Variants in SLC5A8 observed in about 807,000 individuals in gnomAD.
The protein encoded by SLC5A8 is solute carrier family 5 member 8.
SLC5A8 carries 55 observed loss-of-function variants against 71.9 expected under a neutral mutation model. The observed-to-expected ratio is 0.77, with a 90% CI of 0.62 to 0.96. The LOEUF is 0.96. Among genes scored for constraint, SLC5A8 ranks in the 40% least tolerant of loss-of-function variants. The probability of loss-of-function intolerance (pLI) is 0.00; values close to 1 mark genes in which losing one functional copy is unlikely to be tolerated. For missense variants in SLC5A8, 701 were observed against 745.3 expected (o/e 0.94, Z 0.69); for synonymous variants, 307 against 276.1 (o/e 1.11, Z -1.11).
chr12:101,205,950 G>A (rs139951070), intron 1 of SLC5A8, among the ~76,000 whole-genome samples: 1 of 152,202 alleles, frequency 6.6e-6, no homozygotes, highest in Admixed American at 6.5e-5. Flanking sequence ...ACAGTGCCTT[G>A]TAGTACACTG....
At chr12:101,167,290 G>A (rs1323463334) in intron 11 of SLC5A8, among the ~76,000 whole-genome samples, 4 of 152,278 alleles carry the variant, frequency 2.6e-5, no homozygotes, top group South Asian at 4.1e-4. Context: ...ACATTTCATT[G>A]AGGATAATAA....
intron 2 of SLC5A8, among the ~76,000 whole-genome samples, chr12:101,202,543 T>C (rs1869500376): frequency 6.6e-6 from 1 of 151,780 alleles, no homozygotes; most frequent in Admixed American, 6.6e-5. Flanking sequence ...CTGAAATAAT[T>C]AGAAAAAAAT....
intron 13 of SLC5A8, among the ~76,000 whole-genome samples, chr12:101,160,253 T>C (rs573949455): frequency 6.6e-6 from 1 of 152,244 alleles, no homozygotes; most frequent in East Asian, 1.9e-4. Flanking sequence ...TTAATAAACC[T>C]ACTGTACTGG....
In SLC5A8 at chr12:101,168,106, G is replaced by A. The variant is rs749514393; in HGVS notation, c.1310C>T (p.Ala437Val). The A allele has an allele frequency of 1.9e-6, 3 of 1,607,950 alleles. No homozygotes were observed. The highest frequency in any genetic ancestry group is 1.7e-6 in the Non-Finnish European group (2 of 1,176,860). ...ATTCTTTGTACTTACAATTGAGTTG[G>A]CAAAGGGAACCAAAATGCCCAAAGC... ...LFALGILVPF[A>V]NSIGALVGLM... The change falls in exon 11 of 15, where the codon GCC (alanine) becomes GTC (valine). Residue 437 changes from alanine to valine, a missense_variant. By Grantham distance (64) the Ala-to-Val change is moderately conservative. Transcript: ENST00000536262.
chr12:101,190,661 A>C (rs1868859892), intron 5 of SLC5A8, 53 bp from the exon 6 acceptor site: 22 of 1,518,276 alleles, frequency 1.4e-5, no homozygotes, highest in Non-Finnish European at 1.8e-5. Context: ...AGACTAAAAA[A>C]AATTCTCTTA....
intron 12 of SLC5A8, 107 bp from the exon 13 acceptor site, chr12:101,162,184 G>T: frequency 1.4e-6 from 1 of 709,882 alleles, no homozygotes. Context: ...ACTTAATAAT[G>T]TTTTTAATGT....
chr12:101,159,334 G>C (rs182549014), intron 13 of SLC5A8, among the ~76,000 whole-genome samples: 146 of 152,292 alleles, frequency 9.6e-4, no homozygotes, highest in African/African-American at 3.4e-3. Context: ...GCTGCTAGGT[G>C]CTAGAGAAAC....
In SLC5A8 at chr12:101,196,007, T is replaced by A. The variant is rs116305739; in HGVS notation, c.470-845A>T. Among the ~76,000 whole-genome samples, 1,143 of 152,276 alleles carry A rather than the reference T, an allele frequency of 7.5e-3. 10 individuals carry two copies. Among genetic ancestry groups the A allele is most frequent in the African/African-American group, 0.021 (871 of 41,524 alleles). ...ACCGCGCCTGGCCGGTAATGCTTTT[T>A]AAAAAACTTTTAAGTTCAGATGTAC... is the stretch of plus-strand genomic sequence containing the variant. On this transcript the variant is annotated intron_variant, in intron 3 of 14. Coordinates refer to ENST00000536262, the MANE Select transcript of SLC5A8 (RefSeq NM_145913.5).
At position 101,157,420 on chromosome 12, in the gene SLC5A8, A is replaced by G. The variant is rs745918103; in HGVS notation, c.1711-19T>C. The G allele has an allele frequency of 1.9e-6, 3 of 1,566,480 alleles. No homozygotes were observed. The highest frequency in any genetic ancestry group is 2.6e-6 in the Non-Finnish European group (3 of 1,154,396). ...GCTTCTTCTAAAAGAAAATGTTAACATGGTGATTAGGGGGAGAAAAAGAAG... is the reference window on the plus strand; with the variant it reads ...GCTTCTTCTAAAAGAAAATGTTAACGTGGTGATTAGGGGGAGAAAAAGAAG... On this transcript the variant is annotated intron_variant, in intron 14 of 14. Coordinates refer to ENST00000536262, the MANE Select transcript of SLC5A8 (RefSeq NM_145913.5).
chr12:101,200,655 GTCTT>G (rs1480069149), intron 3 of SLC5A8, among the ~76,000 whole-genome samples: 7 of 152,134 alleles, frequency 4.6e-5, no homozygotes, highest in Admixed American at 1.3e-4. Context: ...GGTTTTTAAA[GTCTT>G]TATTTCTAAA....
intron 13 of SLC5A8, among the ~76,000 whole-genome samples, chr12:101,158,594 C>CTATA (rs1566303459): frequency 8.9e-4 from 19 of 21,286 alleles, no homozygotes; most frequent in African/African-American, 1.4e-3. Flanking sequence ...CTCTCTCTCT[C>CTATA]TCTCTATATA....
Position 101,166,689 on chromosome 12 carries a change from A to T in SLC5A8, c.1331T>A (p.Val444Asp). ...VPFANSIGAL[V>D]GLMAGFAISL... The stretch of plus-strand genomic sequence containing the variant: ...AATGGCAAATCCAGCCATCAGACCA[A>T]CAAGTGCTCCCTGTAAAACAAGAAT... Residue 444 changes from valine to aspartate, a missense_variant, in exon 12 of 15, where the codon GTT becomes GAT. Transcript: ENST00000536262. The T allele has an allele frequency of 6.2e-7, 1 of 1,604,416 alleles. No homozygotes were observed. The highest frequency in any genetic ancestry group is 2.2e-5 in the East Asian group (1 of 44,696).
rs2051658350 is a variant in SLC5A8, at chr12:101,156,120, C to T, written c.*1159G>A. 1.3e-5 allele frequency: 2 copies of T among 152,030 alleles called. No individual in the cohort carries two copies. Among genetic ancestry groups the T allele is most frequent in the African/African-American group, 4.8e-5 (2 of 41,462 alleles). The allele number at this position is 152,030 out of a possible 1,614,324, so 9.4% of individuals were successfully genotyped here. On this transcript the variant is annotated 3_prime_UTR_variant, in exon 15 of 15. Coordinates refer to ENST00000536262, the MANE Select transcript of SLC5A8 (RefSeq NM_145913.5). The stretch of plus-strand genomic sequence containing the variant: ...TACTTAAAAATTTTAAAACATGGAA[C>T]AAAGCATTTTTTGAGTCCAGACGTT...
chr12:101,197,463 C>T (rs1869235348), intron 3 of SLC5A8, among the ~76,000 whole-genome samples: 1 of 152,052 alleles, frequency 6.6e-6, no homozygotes, highest in Non-Finnish European at 1.5e-5. Flanking sequence ...GAAAAAGAGT[C>T]TAGATCTAAC....
At chr12:101,181,786 T>C (rs1449055910) in intron 9 of SLC5A8, among the ~76,000 whole-genome samples, 2 of 152,166 alleles carry the variant, frequency 1.3e-5, no homozygotes, top group African/African-American at 4.8e-5. Flanking sequence ...TGAAATTATG[T>C]TCCAGGATTA....
At chr12:101,158,870 A>G (rs2051700533) in intron 13 of SLC5A8, among the ~76,000 whole-genome samples, 1 of 150,386 alleles carries the variant, frequency 6.6e-6, no homozygotes, top group South Asian at 2.1e-4. Flanking sequence ...GCAATTCGGA[A>G]CTGCTGAATA....
At chr12:101,191,495 G>A (rs1234536267) in intron 5 of SLC5A8, among the ~76,000 whole-genome samples, 1 of 152,156 alleles carries the variant, frequency 6.6e-6, no homozygotes, top group Non-Finnish European at 1.5e-5. Flanking sequence ...TCTATTTCAT[G>A]TCTAACATTT....
At chr12:101,178,540 C>T (rs1006523577) in intron 10 of SLC5A8, among the ~76,000 whole-genome samples, 5 of 151,984 alleles carry the variant, frequency 3.3e-5, no homozygotes, top group South Asian at 2.1e-4. Context: ...GGACGTTTTA[C>T]GAAGGTGTAA....
intron 11 of SLC5A8, among the ~76,000 whole-genome samples, chr12:101,167,658 G>A (rs933964688): frequency 3.9e-5 from 6 of 152,192 alleles, no homozygotes; most frequent in Non-Finnish European, 7.4e-5. Flanking sequence ...AGCTTTAAAT[G>A]TCAGGAGTAG....
Sources: allele counts gnomAD v4.1 joint callset (sites outside exome capture counted in the v4.1 genomes callset), GRCh38; gene constraint gnomAD v4.1.1; transcripts MANE v1.5; gene names NCBI Gene and HGNC (gene_info 2026-07-23, HGNC 2026-07-21).